The following PEX6 variants were observed in gnomAD, a reference collection of about 807,000 sequenced individuals.
The protein encoded by PEX6 is peroxisomal biogenesis factor 6, also known as peroxisome biogenesis factor 6.
Under a neutral mutation model 85.6 loss-of-function variants are expected in PEX6, and 55 were observed. That is an observed-to-expected ratio of 0.64 (90% CI 0.52 to 0.80). The LOEUF is 0.80. Ranked by LOEUF, PEX6 falls within the 30% of genes least tolerant of loss-of-function variation. PEX6 has a pLI of 0.00. For synonymous variants in PEX6, 519 were observed against 549.1 expected (o/e 0.95, Z 0.77); for missense variants, 1,099 against 1,260.3 (o/e 0.87, Z 1.94).
chr6:42,972,542 G>A (rs146902554), intron 3 of PEX6, among the ~76,000 whole-genome samples: 1,768 of 152,190 alleles, frequency 0.012, 38 homozygotes, highest in African/African-American at 0.039. Context: ...AGGCCGAGGC[G>A]GGCGGATCAC....
At chr6:42,975,139 C>T (rs1019019262) in intron 1 of PEX6, 101 bp from the exon 2 acceptor site, 1 of 1,040,724 alleles carries the variant, frequency 9.6e-7, no homozygotes, top group African/African-American at 1.6e-5. Context: ...CTGTCTTTCC[C>T]ATAACCACAA....
At chr6:42,974,849 C>G (rs779751871) in intron 2 of PEX6, 26 bp downstream of exon 2, 11 of 1,604,830 alleles carry the variant, frequency 6.9e-6, no homozygotes, top group Middle Eastern at 1.7e-4. Context: ...GAGAAGCTAT[C>G]CTCCTTAAAA....
chr6:42,972,082 A>C (rs1770072330), intron 3 of PEX6, among the ~76,000 whole-genome samples: 1 of 129,416 alleles, frequency 7.7e-6, no homozygotes, highest in Non-Finnish European at 1.6e-5. Flanking sequence ...GCCAGAACCA[A>C]GCACTGGATA....
chr6:42,974,276 G>A (rs1165021838), intron 2 of PEX6, among the ~76,000 whole-genome samples, 190 bp from the exon 3 acceptor site: 2 of 152,174 alleles, frequency 1.3e-5, no homozygotes, highest in East Asian at 3.9e-4. Context: ...ACTAGAAAGG[G>A]GGATCAGAGA....
intron 1 of PEX6, among the ~76,000 whole-genome samples, chr6:42,976,978 A>T (rs1770323595): frequency 6.6e-6 from 1 of 152,162 alleles, no homozygotes; most frequent in African/African-American, 2.4e-5. Context: ...AAAGATAGAA[A>T]ATGCTATAGG....
chr6:42,974,291 T>A (rs1366966926), intron 2 of PEX6, among the ~76,000 whole-genome samples: 1 of 152,124 alleles, frequency 6.6e-6, no homozygotes, highest in Non-Finnish European at 1.5e-5. Context: ...CAGAGACAGA[T>A]GAGTGGCAGA....
At position 42,971,455 on chromosome 6, in the gene PEX6, T is replaced by C. The variant is rs1051070486; in HGVS notation, c.1131-1468A>G. Among the ~76,000 whole-genome samples the C allele has an allele frequency of 3.9e-5, 6 of 152,224 alleles. No homozygotes were observed. The highest frequency in any genetic ancestry group is 8.8e-5 in the Non-Finnish European group (6 of 68,038). On this transcript the variant is annotated intron_variant, in intron 3 of 16. Coordinates refer to ENST00000304611, the MANE Select transcript of PEX6 (RefSeq NM_000287.4). The surrounding 1 kb of genome is among the most constrained non-coding windows in gnomAD (Gnocchi z 4.4). The stretch of plus-strand genomic sequence containing the variant: ...AGAAAGGCCAGAGCTCTGGAACCTA[T>C]GTGGACACTGCTAAGGAACACTGAG...
At chr6:42,976,756 T>C (rs938767344) in intron 1 of PEX6, among the ~76,000 whole-genome samples, 3 of 152,078 alleles carry the variant, frequency 2.0e-5, no homozygotes, top group Non-Finnish European at 4.4e-5. Context: ...CCCATGGAAA[T>C]GGAACAACTA....
At chr6:42,974,442 G>GTTTTTTTTTTTTTT (rs71855084) in intron 2 of PEX6, among the ~76,000 whole-genome samples, 7 of 115,978 alleles carry the variant, frequency 6.0e-5, no homozygotes, top group African/African-American at 6.9e-5. Context: ...TGTCTGAAAT[G>GTTTTTTTTTTTTTT]TTTTTTTTGT....
At chr6:42,966,728 A>G in intron 9 of PEX6, 54 bp downstream of exon 9, 1 of 1,612,930 alleles carries the variant, frequency 6.2e-7, no homozygotes, top group Non-Finnish European at 8.5e-7. Context: ...CTCACCACCC[A>G]CCCATCTACA....
chr6:42,966,044 C>T lies in PEX6; in HGVS notation c.2362G>A (p.Val788Met), dbSNP rs267608240. The change falls in exon 12 of 17, where the codon GTG becomes ATG. Residue 788 changes from valine (V) to methionine (M), a missense_variant and splice_region_variant. This residue lies in a region of PEX6 where 514 missense variants were observed against 627.0 expected (regional missense o/e 0.82). Coordinates refer to ENST00000304611, the MANE Select transcript of PEX6 (RefSeq NM_000287.4). ...GCCCTGCCCCTCCCTGCTCACTCAC[C>T]TTCCCGCACATTCTCCTCACTTTGG... is the stretch of plus-strand genomic sequence containing the variant. Reference protein sequence around the residue: ...VGQSEENVREVFARARAAAPC... With the variant: ...VGQSEENVREMFARARAAAPC... 12 of 1,613,844 alleles carry T rather than the reference C, an allele frequency of 7.4e-6. No individual in the cohort carries two copies. The highest frequency in any genetic ancestry group is 1.0e-5 in the Non-Finnish European group (12 of 1,180,010).
At chr6:42,972,533 G>A (rs1770097254) in intron 3 of PEX6, among the ~76,000 whole-genome samples, 1 of 152,186 alleles carries the variant, frequency 6.6e-6, no homozygotes, top group African/African-American at 2.4e-5. Context: ...CACTTTGGGA[G>A]GCCGAGGCGG....
Position 42,974,983 on chromosome 6 carries a change from G to A in PEX6, c.938C>T (p.Pro313Leu), listed in dbSNP as rs916096973. Reference sequence around the variant, plus strand: ...TAACTCTCTGGCAAATGGAGGCCCAGGCAGCAATGAGCAGCTTCCTTTGTC... The same window carrying A: ...TAACTCTCTGGCAAATGGAGGCCCAAGCAGCAATGAGCAGCTTCCTTTGTC... ...PEDKGSCSLLPGPPFARELHI... is the reference protein window; with the variant it reads ...PEDKGSCSLLLGPPFARELHI... The change falls in exon 2 of 17, where the codon CCT (proline) becomes CTT (leucine). Residue 313 changes from proline (P) to leucine (L), a missense_variant. Coordinates refer to ENST00000304611, the MANE Select transcript of PEX6 (RefSeq NM_000287.4). The A allele has an allele frequency of 2.5e-6, 4 of 1,613,694 alleles. No individual in the cohort carries two copies. The African/African-American group carries it at 5.3e-5, about 22-fold the overall frequency.
In PEX6 at chr6:42,978,369, G is replaced by A. The variant is rs753014991; in HGVS notation, c.782C>T (p.Pro261Leu). ...LSDRLGPGSG[P>L]LGEPLADGLA... Reference sequence around the variant, plus strand: ...TCCGTCAGCGAGGGGCTCTCCCAGCGGTCCAGAGCCGGGTCCCAGTCTATC... The same window carrying A: ...TCCGTCAGCGAGGGGCTCTCCCAGCAGTCCAGAGCCGGGTCCCAGTCTATC... Residue 261 changes from proline (P) to leucine (L), a missense_variant, in exon 1 of 17, where the codon CCG becomes CTG. By Grantham distance (98) the Pro-to-Leu change is moderately conservative. This residue lies in a region of PEX6 where 579 missense variants were observed against 611.6 expected (regional missense o/e 0.95). Transcript: ENST00000304611. The A allele has an allele frequency of 1.2e-5, 20 of 1,614,040 alleles. No individual in the cohort carries two copies. Among genetic ancestry groups the A allele is most frequent in the African/African-American group, 5.3e-5 (4 of 74,910 alleles).
intron 6 of PEX6, 132 bp from the exon 7 acceptor site, chr6:42,968,630 G>T: frequency 2.4e-6 from 2 of 845,212 alleles, no homozygotes; most frequent in Non-Finnish European, 3.8e-6. Flanking sequence ...AGGTACCCTG[G>T]CCAAGTCCTA....
chr6:42,967,279 A>G, intron 8 of PEX6, 89 bp downstream of exon 8: 2 of 1,327,740 alleles, frequency 1.5e-6, no homozygotes, highest in Non-Finnish European at 1.1e-6. Flanking sequence ...TGGGTTTTCT[A>G]CTCTCACTCA....
Position 42,966,150 on chromosome 6 carries a change from A to G in PEX6, c.2301-45T>C, listed in dbSNP as rs1157581523. On this transcript the variant is annotated intron_variant, in intron 11 of 16. Coordinates refer to ENST00000304611, the MANE Select transcript of PEX6 (RefSeq NM_000287.4). Reference sequence around the variant, plus strand: ...AAGGTGAGAGCCGTCAGATGCACATACACACAATTGACCTCTTGGGCAGCC... The same window carrying G: ...AAGGTGAGAGCCGTCAGATGCACATGCACACAATTGACCTCTTGGGCAGCC... 6 of 1,611,184 alleles carry G rather than the reference A, an allele frequency of 3.7e-6. No individual in the cohort carries two copies. The African/African-American group carries it at 6.7e-5, about 18-fold the overall frequency.
At chr6:42,978,017 A>AT (rs1156943363) in intron 1 of PEX6, among the ~76,000 whole-genome samples, 5 of 151,346 alleles carry the variant, frequency 3.3e-5, no homozygotes, top group South Asian at 2.1e-4. Flanking sequence ...CTAATTTTAC[A>AT]TTTTTTTAGT....
At chr6:42,977,637 G>C (rs1387060190) in intron 1 of PEX6, among the ~76,000 whole-genome samples, 1 of 151,078 alleles carries the variant, frequency 6.6e-6, no homozygotes, top group Admixed American at 6.6e-5. Flanking sequence ...AAAATTAGCC[G>C]GGCGTCGTGG....
Sources: gnomAD v4.1 joint callset for allele counts (sites outside exome capture counted in the v4.1 genomes callset) on GRCh38, gnomAD v4.1.1 for gene constraint, gnomAD v4.1.1 regional missense constraint, Gnocchi (gnomAD v3.1) non-coding constraint, MANE v1.5 for transcripts, NCBI Gene and HGNC (gene_info 2026-07-23, HGNC 2026-07-21) for gene names.